SLC66A2: variants seen among roughly 807,000 people sequenced by gnomAD.
SLC66A2 encodes the protein solute carrier family 66 member 2.
A neutral mutation model predicts 25.5 loss-of-function variants in SLC66A2; 23 were observed. The observed-to-expected ratio is 0.90, with a 90% CI of 0.65 to 1.28. The LOEUF is 1.28. Among genes scored for constraint, SLC66A2 ranks in the 50% most tolerant of loss-of-function variants. The pLI is 0.00. For missense variants in SLC66A2, 396 were observed against 373.1 expected (o/e 1.06, Z -0.51); for synonymous variants, 193 against 166.5 (o/e 1.16, Z -1.23).
At chr18:79,948,761 A>T (rs118135994) in intron 2 of SLC66A2, among the ~76,000 whole-genome samples, 3,221 of 152,316 alleles carry the variant, frequency 0.021, 56 homozygotes, top group Middle Eastern at 0.048. Context: ...TATTTTGGAG[A>T]GAATTTATTC....
intron 2 of SLC66A2, among the ~76,000 whole-genome samples, chr18:79,946,687 G>A (rs1259334992): frequency 6.6e-6 from 1 of 152,228 alleles, no homozygotes; most frequent in Non-Finnish European, 1.5e-5. Flanking sequence ...CTCAAGCAGG[G>A]CTGGGCACAG....
rs1028655477 is a variant in SLC66A2 at position 79,940,978 on chromosome 18, G to A, written c.337+2351C>T. Among the ~76,000 whole-genome samples the A allele has an allele frequency of 6.6e-5, 10 of 152,066 alleles. No individual in the cohort carries two copies. Among genetic ancestry groups the A allele is most frequent in the South Asian group, 4.1e-4 (2 of 4,824 alleles). ...TCACCCAGGCTGACCCCAGGAGCCC[G>A]GCCCCCTACCCCTCGTGGCGGCCCT... is the stretch of plus-strand genomic sequence containing the variant. On this transcript the variant is annotated intron_variant, in intron 3 of 5. Transcript: ENST00000397778. This position sits in a 1 kb window ranked among gnomAD's most constrained non-coding sequence, Gnocchi z 4.1.
rs1483920219 is a variant in SLC66A2 at position 79,937,603 on chromosome 18, C to T, written c.338-3581G>A. Among the ~76,000 whole-genome samples the T allele has an allele frequency of 6.6e-6, 1 of 152,140 alleles. No individual in the cohort carries two copies. Among genetic ancestry groups the T allele is most frequent in the Non-Finnish European group, 1.5e-5 (1 of 68,028 alleles). ...AACAGACAACAAACATCCTGCAGCCCCTGATGAGCTGACGGCCTCAGCATG... is the reference window on the plus strand; with the variant it reads ...AACAGACAACAAACATCCTGCAGCCTCTGATGAGCTGACGGCCTCAGCATG... On this transcript the variant is annotated intron_variant, in intron 3 of 5. Coordinates refer to ENST00000397778, the MANE Select transcript of SLC66A2 (RefSeq NM_025078.5). The surrounding 1 kb of genome is among the most constrained non-coding windows in gnomAD (Gnocchi z 5.4).
intron 4 of SLC66A2, among the ~76,000 whole-genome samples, chr18:79,931,528 A>T (rs1986568386): frequency 6.6e-6 from 1 of 152,248 alleles, no homozygotes; most frequent in Admixed American, 6.5e-5. Context: ...AGAAAAAGAT[A>T]ATTCAAAAAT....
intron 3 of SLC66A2, among the ~76,000 whole-genome samples, chr18:79,938,589 G>A (rs545691944): frequency 2.0e-5 from 3 of 152,292 alleles, no homozygotes; most frequent in Admixed American, 6.5e-5. Flanking sequence ...GGCGACTGTA[G>A]AAGAAAAAAG....
chr18:79,924,000 G>A (rs993134025), intron 4 of SLC66A2, among the ~76,000 whole-genome samples: 5 of 150,882 alleles, frequency 3.3e-5, no homozygotes, highest in African/African-American at 7.3e-5. Flanking sequence ...CTGTGCCACT[G>A]CACTGCAGCC....
Position 79,918,155 on chromosome 18 carries a change from C to G in SLC66A2, c.608+1029G>C, listed in dbSNP as rs1450766762. On this transcript the variant is annotated intron_variant, in intron 5 of 5. Transcript: ENST00000397778. This position sits in a 1 kb window ranked among gnomAD's most constrained non-coding sequence, Gnocchi z 4.0. The stretch of plus-strand genomic sequence containing the variant: ...CCCGGCCCTCACACCTCTGCCCACA[C>G]GCCAAACCTGCAAATACTCAGAGGT... Among the ~76,000 whole-genome samples the G allele has an allele frequency of 6.6e-6, 1 of 152,208 alleles. No individual in the cohort carries two copies. Among genetic ancestry groups the G allele is most frequent in the African/African-American group, 2.4e-5 (1 of 41,436 alleles).
At chr18:79,912,634 C>T (rs925097533) in intron 5 of SLC66A2, among the ~76,000 whole-genome samples, 3 of 151,922 alleles carry the variant, frequency 2.0e-5, no homozygotes, top group African/African-American at 7.3e-5. Flanking sequence ...GAGGCTGGGG[C>T]GGTGGGAATG....
At position 79,904,006 on chromosome 18, in the gene SLC66A2, G is replaced by T; in HGVS notation, c.786C>A (p.Ala262=). 3 of 1,605,018 alleles carry T rather than the reference G, an allele frequency of 1.9e-6. No homozygotes were observed. Among genetic ancestry groups the T allele is most frequent in the Non-Finnish European group, 2.5e-6 (3 of 1,176,926 alleles). ...ARHPQKPAPH[A]VHPTGTKAL ...GGGCCTTGGTGCCAGTGGGGTGCAC[G>T]GCGTGGGGCGCCGGCTTCTGGGGGT... Residue 262 remains alanine (A), a synonymous_variant, in exon 6 of 6, where the codon GCC becomes GCA. Transcript: ENST00000397778. This position sits in a 1 kb window ranked among gnomAD's most constrained non-coding sequence, Gnocchi z 6.3.
intron 5 of SLC66A2, among the ~76,000 whole-genome samples, chr18:79,912,234 C>T (rs1983336105): frequency 7.3e-6 from 1 of 136,288 alleles, no homozygotes; most frequent in South Asian, 2.4e-4. Flanking sequence ...TCACATCCAA[C>T]CGGCGATTCC....
chr18:79,916,152 C>CGCTCCCGTACCCACGGT (rs1568302051), intron 5 of SLC66A2, among the ~76,000 whole-genome samples: 1 of 37,804 alleles, frequency 2.6e-5, no homozygotes, highest in Non-Finnish European at 5.9e-5. Context: ...GTACCCGCGG[C>CGCTCCCGTACCCACGGT]GCTCTCGTAC....
intron 2 of SLC66A2, among the ~76,000 whole-genome samples, chr18:79,948,408 A>G (rs1039285208): frequency 3.3e-5 from 5 of 152,176 alleles, no homozygotes; most frequent in Non-Finnish European, 5.9e-5. Context: ...AGACTGGAGG[A>G]CAGCTCACTG....
Position 79,903,752 on chromosome 18 carries a change from C to T in SLC66A2, c.*224G>A, listed in dbSNP as rs536859137. On this transcript the variant is annotated 3_prime_UTR_variant, in exon 6 of 6. Coordinates refer to ENST00000397778, the MANE Select transcript of SLC66A2 (RefSeq NM_025078.5). ...TCATCCTAAAAACATCCAAAACCCT[C>T]GGGGCCAGATCAACCCTGGCTGTCC... is the stretch of plus-strand genomic sequence containing the variant. 11 of 532,644 alleles carry T rather than the reference C, an allele frequency of 2.1e-5. No individual in the cohort carries two copies. The highest frequency in any genetic ancestry group is 7.7e-5 in the Admixed American group (2 of 25,872). 33.0% of individuals were successfully genotyped at this position (532,644 alleles called of 1,614,324 possible).
At chr18:79,906,272 C>T (rs954739062) in intron 5 of SLC66A2, among the ~76,000 whole-genome samples, 1 of 152,102 alleles carries the variant, frequency 6.6e-6, no homozygotes, top group African/African-American at 2.4e-5. Context: ...TTATTTCCTT[C>T]CTTCTGCTGG....
intron 5 of SLC66A2, among the ~76,000 whole-genome samples, chr18:79,907,334 GTTTTT>G (rs57635823): frequency 8.6e-6 from 1 of 116,902 alleles, no homozygotes; most frequent in Admixed American, 1.0e-4. Context: ...TCTTTGTATA[GTTTTT>G]TTTTTTTTTG....
intron 2 of SLC66A2, chr18:79,949,450 G>A (rs544615797): frequency 6.6e-6 from 1 of 152,396 alleles, no homozygotes; most frequent in South Asian, 2.1e-4. Context: ...TGGATCATGA[G>A]GTCAAGGGAT....
At position 79,927,937 on chromosome 18, in the gene SLC66A2, T is replaced by C. The variant is rs927217765; in HGVS notation, c.391+6032A>G. Among the ~76,000 whole-genome samples, 2 of 152,218 alleles carry C rather than the reference T, an allele frequency of 1.3e-5. No homozygotes were observed. The highest frequency in any genetic ancestry group is 2.9e-5 in the Non-Finnish European group (2 of 68,020). On this transcript the variant is annotated intron_variant, in intron 4 of 5. Coordinates refer to ENST00000397778, the MANE Select transcript of SLC66A2 (RefSeq NM_025078.5). This position sits in a 1 kb window ranked among gnomAD's most constrained non-coding sequence, Gnocchi z 6.2. ...TAGAGCCAGGGAGGCCCTGGGAGAA[T>C]GGCCTTGCCTGCTCTCAGCCTCCTC...
At chr18:79,910,243 A>C (rs1438924135) in intron 5 of SLC66A2, among the ~76,000 whole-genome samples, 3 of 85,962 alleles carry the variant, frequency 3.5e-5, no homozygotes, top group East Asian at 3.5e-4. Context: ...CACCATAGTC[A>C]CCAACCTTCC....
At chr18:79,923,841 A>C (rs1237023178) in intron 4 of SLC66A2, among the ~76,000 whole-genome samples, 1 of 152,150 alleles carries the variant, frequency 6.6e-6, no homozygotes, top group Non-Finnish European at 1.5e-5. Context: ...TGAGTCCAGG[A>C]GGTCTTGAAC....
Sources: allele counts gnomAD v4.1 joint callset (sites outside exome capture counted in the v4.1 genomes callset), GRCh38; gene constraint gnomAD v4.1.1; non-coding constraint Gnocchi (gnomAD v3.1); transcripts MANE v1.5; gene names NCBI Gene and HGNC (gene_info 2026-07-23, HGNC 2026-07-21).